CEP162: variants seen among roughly 807,000 people sequenced by gnomAD.
CEP162 encodes the protein centrosomal protein of 162 kDa.
CEP162 carries 141 observed loss-of-function variants against 169.2 expected under a neutral mutation model. The observed-to-expected ratio is 0.83, with a 90% CI of 0.73 to 0.96. The LOEUF is 0.96. Among genes scored for constraint, CEP162 ranks in the 40% least tolerant of loss-of-function variants. The pLI is 0.00. For synonymous variants in CEP162, 540 were observed against 526.4 expected (o/e 1.03, Z -0.35); for missense variants, 1,600 against 1,587.2 (o/e 1.01, Z -0.14).
chr6:84,152,942 C>T lies in CEP162; in HGVS notation c.3232G>A (p.Val1078Met). The change falls in exon 23 of 27, where the codon GTG becomes ATG. Residue 1078 changes from valine (V) to methionine (M), a missense_variant. Coordinates refer to ENST00000403245, the MANE Select transcript of CEP162 (RefSeq NM_014895.4). ...TTAGCTTTAGCATGAGCCTGTTCCA[C>T]CTGGAATTCTATAGACTGAAAATCT... ...DEDFQSIEFQ[V>M]EQAHAKAKLV... The T allele has an allele frequency of 1.9e-6, 3 of 1,613,720 alleles. No individual in the cohort carries two copies. The highest frequency in any genetic ancestry group is 2.2e-5 in the East Asian group (1 of 44,866).
chr6:84,156,185 A>G (rs893607951), intron 21 of CEP162, among the ~76,000 whole-genome samples: 2 of 152,174 alleles, frequency 1.3e-5, no homozygotes, highest in Non-Finnish European at 2.9e-5. Context: ...TGTGCAAAAG[A>G]ATGAAACTGA....
chr6:84,158,701 A>G (rs1388954882), intron 21 of CEP162, among the ~76,000 whole-genome samples: 1 of 152,180 alleles, frequency 6.6e-6, no homozygotes, highest in Non-Finnish European at 1.5e-5. Flanking sequence ...ACATGTATAC[A>G]TACCAACACT....
chr6:84,190,482 G>A (rs570518065), intron 11 of CEP162, among the ~76,000 whole-genome samples: 148 of 152,162 alleles, frequency 9.7e-4, no homozygotes, highest in Non-Finnish European at 2.8e-4. Context: ...CTCACTCTTC[G>A]GGTCCACGCT....
rs1438355013 is a variant in CEP162, at chr6:84,215,913, C to A, written c.182G>T (p.Gly61Val). The A allele has an allele frequency of 6.4e-7, 1 of 1,565,046 alleles. No individual in the cohort carries two copies. The highest frequency in any genetic ancestry group is 2.3e-5 in the East Asian group (1 of 43,376). ...TGTTTTCAAATAGCTCACATTTGTT[C>A]CAAGAAGTCCTAGGTACACAATTTA... Reference protein sequence around the residue: ...EDDFKDDGLLGTNVSYLKTKK... With the variant: ...EDDFKDDGLLVTNVSYLKTKK... The change falls in exon 4 of 27, where the codon GGA becomes GTA. Residue 61 changes from glycine (G) to valine (V), a missense_variant. Gly to Val is a moderately radical substitution (Grantham distance 109, BLOSUM62 -3). Coordinates refer to ENST00000403245, the MANE Select transcript of CEP162 (RefSeq NM_014895.4).
intron 6 of CEP162, among the ~76,000 whole-genome samples, chr6:84,204,821 T>C (rs906130804): frequency 2.6e-5 from 4 of 152,102 alleles, no homozygotes; most frequent in Admixed American, 6.6e-5. Flanking sequence ...ACAAAATTGA[T>C]AGACTGCTAG....
At chr6:84,165,820 A>T (rs1229746449) in intron 18 of CEP162, among the ~76,000 whole-genome samples, 1 of 152,200 alleles carries the variant, frequency 6.6e-6, no homozygotes, top group Non-Finnish European at 1.5e-5. Context: ...AGCATTATAT[A>T]ATCTTAGTTT....
At chr6:84,213,058 T>C (rs1005736034) in intron 5 of CEP162, 34 bp from the exon 6 acceptor site, 9 of 1,304,054 alleles carry the variant, frequency 6.9e-6, no homozygotes, top group Non-Finnish European at 8.6e-6. Context: ...TAGCATTACA[T>C]GTTAAAAACA....
chr6:84,179,333 A>C (rs1293847003), intron 13 of CEP162, among the ~76,000 whole-genome samples: 1 of 152,120 alleles, frequency 6.6e-6, no homozygotes, highest in Non-Finnish European at 1.5e-5. Flanking sequence ...TTGTTTCCTG[A>C]CTTTTTAATG....
intron 5 of CEP162, 79 bp downstream of exon 5, chr6:84,215,203 T>C (rs546572374): frequency 1.5e-6 from 1 of 662,832 alleles, no homozygotes; most frequent in African/African-American, 1.9e-5. Flanking sequence ...AATGTTTACC[T>C]ATTTAAAATC....
At chr6:84,126,329 C>T in intron 26 of CEP162, 49 bp downstream of exon 26, 1 of 1,366,678 alleles carries the variant, frequency 7.3e-7, no homozygotes, top group Non-Finnish European at 9.7e-7. Context: ...AAATTAAAGG[C>T]ACTTAAAAGT....
intron 18 of CEP162, among the ~76,000 whole-genome samples, chr6:84,163,627 G>C (rs546146564): frequency 6.6e-6 from 1 of 151,770 alleles, no homozygotes; most frequent in South Asian, 2.1e-4. Context: ...TCTCACAGCA[G>C]CCACATGAAT....
intron 11 of CEP162, among the ~76,000 whole-genome samples, chr6:84,188,554 A>G (rs2099538262): frequency 6.6e-6 from 1 of 152,160 alleles, no homozygotes; most frequent in Non-Finnish European, 1.5e-5. Context: ...GGTGCAAAGA[A>G]CGTGACCTCA....
intron 24 of CEP162, among the ~76,000 whole-genome samples, chr6:84,147,303 A>C (rs917478160): frequency 6.6e-6 from 1 of 152,142 alleles, no homozygotes; most frequent in Non-Finnish European, 1.5e-5. Flanking sequence ...GAACACAGAG[A>C]ATAGAACAAT....
chr6:84,223,587 A>G (rs1335563727), intron 2 of CEP162, among the ~76,000 whole-genome samples: 1 of 151,668 alleles, frequency 6.6e-6, no homozygotes, highest in Non-Finnish European at 1.5e-5. Flanking sequence ...CTCAGATACA[A>G]CAGTTGTTGG....
chr6:84,158,626 G>A (rs979641154), intron 21 of CEP162, among the ~76,000 whole-genome samples: 1 of 152,094 alleles, frequency 6.6e-6, no homozygotes, highest in South Asian at 2.1e-4. Flanking sequence ...TCTTTCACCC[G>A]AAAAATTCAA....
intron 9 of CEP162, among the ~76,000 whole-genome samples, chr6:84,200,295 G>C (rs187120723): frequency 3.3e-4 from 50 of 152,274 alleles, no homozygotes; most frequent in African/African-American, 1.2e-3. Flanking sequence ...AACTGAAGAT[G>C]TGCATTCCAC....
intron 2 of CEP162, among the ~76,000 whole-genome samples, chr6:84,223,666 A>G (rs1474503259): frequency 6.6e-6 from 1 of 151,762 alleles, no homozygotes; most frequent in Non-Finnish European, 1.5e-5. Flanking sequence ...CAGCACTTTG[A>G]GAGGCCGAGG....
intron 21 of CEP162, 60 bp from the exon 22 acceptor site, chr6:84,155,570 T>C: frequency 8.7e-7 from 1 of 1,155,784 alleles, no homozygotes; most frequent in East Asian, 2.4e-5. Flanking sequence ...TTCAGTAAAG[T>C]TTCAGGATAC....
Position 84,149,633 on chromosome 6 carries a change from G to C in CEP162, c.3700C>G (p.Leu1234Val). Residue 1234 changes from leucine (L) to valine (V), a missense_variant, in exon 24 of 27, where the codon CTT becomes GTT. Physicochemically the swap from Leu to Val is conservative, Grantham distance 32 (BLOSUM62 1). Coordinates refer to ENST00000403245, the MANE Select transcript of CEP162 (RefSeq NM_014895.4). ...ASHQREIEKLLCQNAVENSSS... is the reference protein window; with the variant it reads ...ASHQREIEKLVCQNAVENSSS... Reference sequence around the variant, plus strand: ...GAATTTTCTACTGCATTTTGGCAAAGGAGTTTCTCTATTTCTCTCTGATGA... The same window carrying C: ...GAATTTTCTACTGCATTTTGGCAAACGAGTTTCTCTATTTCTCTCTGATGA... The C allele has an allele frequency of 6.2e-7, 1 of 1,605,370 alleles. No homozygotes were observed. The highest frequency in any genetic ancestry group is 8.5e-7 in the Non-Finnish European group (1 of 1,175,318).
Sources: allele counts gnomAD v4.1 joint callset (sites outside exome capture counted in the v4.1 genomes callset), GRCh38; gene constraint gnomAD v4.1.1; transcripts MANE v1.5; gene names NCBI Gene and HGNC (gene_info 2026-07-23, HGNC 2026-07-21).